PPFIBP2: variants seen among roughly 807,000 people sequenced by gnomAD.
PPFIBP2 encodes PPFIB scaffold protein 2.
A neutral mutation model predicts 118.3 loss-of-function variants in PPFIBP2; 118 were observed. The ratio of observed to expected loss-of-function variants is 1.00; its 90% CI spans 0.86 to 1.16. The LOEUF is 1.16. Among genes scored for constraint, PPFIBP2 ranks in the 50% most tolerant of loss-of-function variants. The probability of loss-of-function intolerance (pLI) is 0.00; values close to 1 mark genes in which losing one functional copy is unlikely to be tolerated. For synonymous variants in PPFIBP2, 414 were observed against 397.4 expected, an observed-to-expected ratio of 1.04 and a Z score of -0.50; for missense variants, 1,195 against 1,073.1, an observed-to-expected ratio of 1.11 and a Z score of -1.59.
At chr11:7,636,627 C>T (rs1038332357) in intron 14 of PPFIBP2, among the ~76,000 whole-genome samples, 2 of 152,138 alleles carry the variant, frequency 1.3e-5, no homozygotes, top group Non-Finnish European at 2.9e-5. Flanking sequence ...TAAAGCACAC[C>T]TGTAAGTGAC....
At chr11:7,566,438 C>A (rs922012336) in intron 3 of PPFIBP2, among the ~76,000 whole-genome samples, 4 of 152,084 alleles carry the variant, frequency 2.6e-5, no homozygotes, top group African/African-American at 9.7e-5. Flanking sequence ...CTCACTGCAG[C>A]CTCGACCTCC....
intron 6 of PPFIBP2, 195 bp downstream of exon 6, chr11:7,610,617 GC>G: frequency 1.5e-6 from 1 of 667,374 alleles, no homozygotes; most frequent in Non-Finnish European, 2.4e-6. Context: ...ATCCAAACCA[GC>G]CAGTTTTGGC....
At chr11:7,664,375 C>A in the PPFIBP2 span, among the ~76,000 whole-genome samples, 2 of 152,188 alleles carry the variant, frequency 1.3e-5, no homozygotes, top group African/African-American at 4.8e-5. Flanking sequence ...GGTTTCCTGG[C>A]CTCTGTGCTG....
intron 3 of PPFIBP2, chr11:7,571,584 T>C (rs537189312): frequency 6.6e-6 from 1 of 152,334 alleles, no homozygotes; most frequent in Admixed American, 6.5e-5. Flanking sequence ...AGAAGGAGTT[T>C]TGTAGGTAAA....
At chr11:7,663,617 C>T in the PPFIBP2 span, among the ~76,000 whole-genome samples, 2 of 152,238 alleles carry the variant, frequency 1.3e-5, no homozygotes, top group Non-Finnish European at 2.9e-5. Context: ...CTGTTCCCTG[C>T]CCCCAGAGGT....
intron 1 of PPFIBP2, among the ~76,000 whole-genome samples, chr11:7,529,590 G>A (rs1017527843): frequency 2.0e-5 from 3 of 152,180 alleles, no homozygotes; most frequent in South Asian, 4.1e-4. Context: ...CTGCACCGAG[G>A]ACAAAGCCAG....
chr11:7,528,483 A>C (rs909149121), intron 1 of PPFIBP2, among the ~76,000 whole-genome samples: 1 of 152,248 alleles, frequency 6.6e-6, no homozygotes, highest in Admixed American at 6.5e-5. Context: ...AATTTATACA[A>C]AAAGCTTCTA....
intron 3 of PPFIBP2, 130 bp from the exon 4 acceptor site, chr11:7,593,002 A>G (rs1329640587): frequency 1.5e-6 from 2 of 1,325,280 alleles, no homozygotes; most frequent in Non-Finnish European, 2.0e-6. Context: ...TCCTGTTTTG[A>G]TGATTGGTTT....
chr11:7,642,065 G>T, intron 16 of PPFIBP2: 1 of 494,236 alleles, frequency 2.0e-6, no homozygotes, highest in Non-Finnish European at 3.5e-6. Context: ...ATCAAACTTT[G>T]CTTTGACTTC....
rs1260453830 is a variant in PPFIBP2, at chr11:7,625,843, C to G, written c.778C>G (p.Gln260Glu). Residue 260 changes from glutamine to glutamate, a missense_variant, in exon 8 of 24, where the codon CAG (glutamine) becomes GAG (glutamate). Transcript: ENST00000299492. ...TGCAGAAATTGAGCGTCTGCACAGC[C>G]AGCTCTCCCGGACAGCAGCTCTCCA... is the stretch of plus-strand genomic sequence containing the variant. ...KDAEIERLHS[Q>E]LSRTAALHSE... 2.5e-6 allele frequency: 4 copies of G among 1,614,110 alleles called. No homozygotes were observed. In the African/African-American group the frequency reaches 5.3e-5, roughly 22 times the overall value.
At chr11:7,641,331 C>G (rs530564107) in intron 15 of PPFIBP2, 148 bp from the exon 16 acceptor site, 48 of 909,546 alleles carry the variant, frequency 5.3e-5, no homozygotes, top group Admixed American at 1.1e-4. Context: ...CCACTAGTCT[C>G]TGGGATCTTG....
intron 3 of PPFIBP2, among the ~76,000 whole-genome samples, chr11:7,566,399 G>T (rs1056241816): frequency 2.3e-4 from 35 of 152,096 alleles, no homozygotes; most frequent in Non-Finnish European, 3.7e-4. Flanking sequence ...CTGTCACCCA[G>T]GCTGGAGTGC....
chr11:7,563,992 C>T (rs1328517660), intron 2 of PPFIBP2, among the ~76,000 whole-genome samples: 1 of 152,022 alleles, frequency 6.6e-6, no homozygotes, highest in Non-Finnish European at 1.5e-5. Flanking sequence ...AGTGAAACCC[C>T]ATCTCTACTA....
At chr11:7,522,436 A>G (rs1353982799) in intron 1 of PPFIBP2, among the ~76,000 whole-genome samples, 1 of 152,148 alleles carries the variant, frequency 6.6e-6, no homozygotes, top group Non-Finnish European at 1.5e-5. Flanking sequence ...TGCCCTTTAT[A>G]TGTTTACCCA....
downstream of PPFIBP2, among the ~76,000 whole-genome samples, chr11:7,661,870 C>T (rs1854896504): frequency 1.7e-5 from 2 of 120,652 alleles, no homozygotes; most frequent in African/African-American, 5.9e-5. Flanking sequence ...GTTAGCTCCT[C>T]TTGTTGAATT....
chr11:7,644,914 C>T (rs954165318), intron 17 of PPFIBP2, among the ~76,000 whole-genome samples: 36 of 150,360 alleles, frequency 2.4e-4, no homozygotes, highest in Non-Finnish European at 3.7e-4. Flanking sequence ...GTAGTCCCAG[C>T]TACTCGGGAG....
intron 3 of PPFIBP2, among the ~76,000 whole-genome samples, chr11:7,575,134 A>G (rs1856131252): frequency 6.6e-6 from 1 of 152,090 alleles, no homozygotes; most frequent in Non-Finnish European, 1.5e-5. Context: ...TTTCCTTCAC[A>G]TAGAATTTTA....
downstream of PPFIBP2, among the ~76,000 whole-genome samples, chr11:7,660,678 G>A (rs1854871599): frequency 1.3e-5 from 2 of 151,270 alleles, no homozygotes; most frequent in African/African-American, 4.9e-5. Context: ...AGTTAGGGAG[G>A]ATTCCCTCTT....
chr11:7,530,854 C>T (rs1850621593), intron 1 of PPFIBP2, among the ~76,000 whole-genome samples: 1 of 152,190 alleles, frequency 6.6e-6, no homozygotes, highest in Non-Finnish European at 1.5e-5. Flanking sequence ...GTCTATACTA[C>T]CCCTTCTGTG....
Sources: gnomAD v4.1 joint callset for allele counts (sites outside exome capture counted in the v4.1 genomes callset) on GRCh38, gnomAD v4.1.1 for gene constraint, MANE v1.5 for transcripts, NCBI Gene and HGNC (gene_info 2026-07-23, HGNC 2026-07-21) for gene names.